Variants in EXOSC5 observed in about 807,000 individuals in gnomAD.
The protein encoded by EXOSC5 is exosome component 5.
A neutral mutation model predicts 23.7 loss-of-function variants in EXOSC5; 15 were observed. That is an observed-to-expected ratio of 0.63 (90% CI 0.42 to 0.97). EXOSC5 has a LOEUF of 0.97. Among genes scored for constraint, EXOSC5 ranks in the 50% least tolerant of loss-of-function variants. The pLI, the probability that EXOSC5 is intolerant of heterozygous loss-of-function variation, is 0.00. For missense variants in EXOSC5, 305 were observed against 316.3 expected (o/e 0.96, Z 0.27); for synonymous variants, 143 against 140.9 (o/e 1.02, Z -0.11).
Position 41,391,891 on chromosome 19 carries a change from G to T in EXOSC5, c.334C>A (p.Pro112Thr). 6.4e-7 allele frequency: 1 copy of T among 1,564,054 alleles called. No homozygotes were observed. Among genetic ancestry groups the T allele is most frequent in the Non-Finnish European group, 8.6e-7 (1 of 1,161,326 alleles). ...CEAVVLGTLH[P>T]RTSITVVLQV... ...AGCACCACGGTGATGGAGGTGCGGG[G>T]GTGCAACGTGCCCAGCACCACCGCC... The change falls in exon 3 of 6, where the codon CCC becomes ACC. Residue 112 changes from proline (P) to threonine (T), a missense_variant. By Grantham distance (38) the Pro-to-Thr change is conservative. Coordinates refer to ENST00000221233, the MANE Select transcript of EXOSC5 (RefSeq NM_020158.4).
intron 3 of EXOSC5, among the ~76,000 whole-genome samples, chr19:41,390,471 A>G (rs2039015892): frequency 6.6e-6 from 1 of 152,232 alleles, no homozygotes; most frequent in Admixed American, 6.5e-5. Context: ...GATGGGGAAT[A>G]TAATAATATT....
rs367558837 is a variant in EXOSC5, at chr19:41,387,948, CCT to C, written c.526-347_526-346del. Among the ~76,000 whole-genome samples, 222 of 152,166 alleles carry C rather than the reference CCT, an allele frequency of 1.5e-3. 1 individual carries two copies. Among genetic ancestry groups the C allele is most frequent in the African/African-American group, 5.2e-3 (214 of 41,536 alleles). ...ACTCCAGCATGGGCGACAGTGAGAC[CCT>C]GTCTCAACGCTCCCCTTCCCACCAC... On this transcript the variant is annotated intron_variant, in intron 4 of 5. Coordinates refer to ENST00000221233, the MANE Select transcript of EXOSC5 (RefSeq NM_020158.4).
At chr19:41,389,670 CAT>C in intron 4 of EXOSC5, 93 bp downstream of exon 4, 2 of 1,502,212 alleles carry the variant, frequency 1.3e-6, no homozygotes, top group Non-Finnish European at 1.8e-6. Flanking sequence ...ATTGAGGTGG[CAT>C]GAGCCGACTG....
At chr19:41,389,628 CATG>C in intron 4 of EXOSC5, 134 bp downstream of exon 4, 2 of 1,273,224 alleles carry the variant, frequency 1.6e-6, no homozygotes, top group South Asian at 3.1e-5. Context: ...CTAAATGAAC[CATG>C]ATGATTAGAG....
chr19:41,388,862 T>C (rs1445876329), intron 4 of EXOSC5, among the ~76,000 whole-genome samples: 1 of 152,086 alleles, frequency 6.6e-6, no homozygotes, highest in Non-Finnish European at 1.5e-5. Context: ...GGAAAGGTGC[T>C]GGCCAGAAAG....
At chr19:41,393,700 C>G (rs561900561) in intron 1 of EXOSC5, among the ~76,000 whole-genome samples, 54 of 152,226 alleles carry the variant, frequency 3.5e-4, no homozygotes, top group African/African-American at 1.2e-3. Flanking sequence ...GCTGGGATTA[C>G]AGGCGCGCGC....
chr19:41,392,280 G>C lies in EXOSC5; in HGVS notation c.263-318C>G, dbSNP rs77184567. On this transcript the variant is annotated intron_variant, in intron 2 of 5. Coordinates refer to ENST00000221233, the MANE Select transcript of EXOSC5 (RefSeq NM_020158.4). ...GGACTGAGGGATATGAGGGTAAAAG[G>C]GTGGAAAAACAGGTTAATGGTCCAG... 2.6e-3 allele frequency: 927 copies of C among 362,724 alleles called. 10 individuals are homozygous for C. The highest frequency in any genetic ancestry group is 0.019 in the African/African-American group (859 of 46,254). The allele number at this position is 362,724 out of a possible 1,614,324, so 22.5% of individuals were successfully genotyped here.
intron 3 of EXOSC5, 65 bp downstream of exon 3, chr19:41,391,776 T>C (rs2123223409): frequency 3.4e-6 from 5 of 1,458,054 alleles, no homozygotes; most frequent in Middle Eastern, 2.2e-4. Context: ...TGAGGGTATA[T>C]GTATCCGCCA....
In EXOSC5 at chr19:41,397,355, T is replaced by C. The variant is rs755090311; in HGVS notation, c.-27A>G. 6.9e-6 allele frequency: 11 copies of C among 1,591,268 alleles called. No individual in the cohort carries two copies. The South Asian group carries it at 1.1e-4, about 16-fold the overall frequency. ...GCGCCGAGCCCACGTGCGGCTGCAG[T>C]TGTCACTTCCGCCTGGCAGCGCGCG... On this transcript the variant is annotated 5_prime_UTR_variant, in exon 1 of 6. Transcript: ENST00000221233.
rs1248831672 is a variant in EXOSC5, at chr19:41,391,944, C to T, written c.281G>A (p.Arg94Gln). ...IGLPGVAEKS[R>Q]ERLIRNTCEA... ...GCACGTGTTCCTGATCAGCCGCTCC[C>T]GGCTCTTCTCTGCAACACCTGGGGA... The change falls in exon 3 of 6, where the codon CGG becomes CAG. Residue 94 changes from arginine to glutamine, a missense_variant. Coordinates refer to ENST00000221233, the MANE Select transcript of EXOSC5 (RefSeq NM_020158.4). 1.9e-5 allele frequency: 30 copies of T among 1,582,886 alleles called. No individual in the cohort carries two copies. The highest frequency in any genetic ancestry group is 2.3e-5 in the Non-Finnish European group (27 of 1,167,896).
At position 41,389,894 on chromosome 19, in the gene EXOSC5, A is replaced by G. The variant is rs771618033; in HGVS notation, c.396T>C (p.Cys132=). 4 of 1,608,402 alleles carry G rather than the reference A, an allele frequency of 2.5e-6. No homozygotes were observed. Among genetic ancestry groups the G allele is most frequent in the Non-Finnish European group, 3.4e-6 (4 of 1,178,208 alleles). Residue 132 remains cysteine, a synonymous_variant, in exon 4 of 6, where the codon TGT becomes TGC. Transcript: ENST00000221233. ...VVSDAGSLLA[C]CLNAACMALV... ...ATGCCATGCAGGCGGCATTCAGACA[A>G]CAGGCCAGGAGCTGAGCACCACAGG...
chr19:41,386,787 G>A lies in EXOSC5; in HGVS notation c.616-62C>T. 2.0e-6 allele frequency: 3 copies of A among 1,469,832 alleles called. No homozygotes were observed. The African/African-American group carries it at 4.2e-5, about 20-fold the overall frequency. 91.0% of individuals were successfully genotyped at this position (1,469,832 alleles called of 1,614,324 possible). A position where few individuals can be genotyped will look rare whatever the true frequency, so the allele number is the denominator to read the frequency against. On this transcript the variant is annotated intron_variant, in intron 5 of 5. Coordinates refer to ENST00000221233, the MANE Select transcript of EXOSC5 (RefSeq NM_020158.4). ...CCCTTCATGCACACACGACTTGGCT[G>A]ACCCAGGAGGTTCTGCTGACCCCAC...
chr19:41,397,265 G>A lies in EXOSC5; in HGVS notation c.64C>T (p.Arg22Trp), dbSNP rs760167858. ...TGCCGGAGGCTGCAGCCAGGACCCC[G>A]AGGGCTGGACCCTGTTCCATTTTCA... ...RAENGTGSSP[R>W]GPGCSLRHFA... The change falls in exon 1 of 6, where the codon CGG (arginine) becomes TGG (tryptophan). Residue 22 changes from arginine to tryptophan, a missense_variant. Transcript: ENST00000221233. 5.6e-6 allele frequency: 9 copies of A among 1,614,100 alleles called. No homozygotes were observed. Among genetic ancestry groups the A allele is most frequent in the Non-Finnish European group, 7.6e-6 (9 of 1,180,028 alleles).
intron 1 of EXOSC5, among the ~76,000 whole-genome samples, chr19:41,394,234 T>C (rs1188520001): frequency 6.6e-6 from 1 of 151,878 alleles, no homozygotes; most frequent in Non-Finnish European, 1.5e-5. Context: ...AAAAATTAGC[T>C]GGGCATAGTG....
chr19:41,390,362 C>T lies in EXOSC5; in HGVS notation c.385-457G>A, dbSNP rs561596541. Among the ~76,000 whole-genome samples the T allele has an allele frequency of 1.6e-4, 24 of 152,268 alleles. No homozygotes were observed. In the South Asian group the frequency reaches 3.7e-3, roughly 24 times the overall value. On this transcript the variant is annotated intron_variant, in intron 3 of 5. Transcript: ENST00000221233. ...TATGGCAGAGTGGTTAAAAGTGGTC[C>T]GGGGATCAAGTAGCCCTGGGTTCCA... is the stretch of plus-strand genomic sequence containing the variant.
intron 4 of EXOSC5, among the ~76,000 whole-genome samples, chr19:41,388,130 T>C (rs1483593279): frequency 6.6e-6 from 1 of 152,224 alleles, no homozygotes; most frequent in Non-Finnish European, 1.5e-5. Flanking sequence ...CCCTCTGCCT[T>C]TCCTTTGTAG....
chr19:41,396,218 T>TTTG (rs2039061930), intron 1 of EXOSC5, among the ~76,000 whole-genome samples: 1 of 151,882 alleles, frequency 6.6e-6, no homozygotes, highest in African/African-American at 2.4e-5. Context: ...TCTCAATTTT[T>TTTG]TTTTTTTTTG....
intron 3 of EXOSC5, among the ~76,000 whole-genome samples, chr19:41,390,342 CAG>C (rs1164895903): frequency 3.9e-5 from 6 of 152,192 alleles, no homozygotes; most frequent in African/African-American, 1.4e-4. Flanking sequence ...GGCAGTATGG[CAG>C]AGTGGTTAAA....
chr19:41,389,702 T>C, intron 4 of EXOSC5, 63 bp downstream of exon 4: 2 of 1,572,498 alleles, frequency 1.3e-6, no homozygotes, highest in Non-Finnish European at 1.7e-6. Flanking sequence ...AAGCGAGGCC[T>C]GGAGGAAGGG....
Sources: allele counts gnomAD v4.1 joint callset (sites outside exome capture counted in the v4.1 genomes callset), GRCh38; gene constraint gnomAD v4.1.1; transcripts MANE v1.5; gene names NCBI Gene and HGNC (gene_info 2026-07-23, HGNC 2026-07-21).